The following SPATA31D1 variants were observed in gnomAD, a reference collection of about 807,000 sequenced individuals.
SPATA31D1 encodes SPATA31 subfamily D member 1.
Under a neutral mutation model 13.2 loss-of-function variants are expected in SPATA31D1, and 6 were observed. The ratio of observed to expected loss-of-function variants is 0.46; its 90% confidence interval spans 0.25 to 0.90. The LOEUF (loss-of-function observed/expected upper bound fraction) is 0.90, where lower values mean the gene tolerates loss of function less well. Among genes scored for constraint, SPATA31D1 ranks in the 40% least tolerant of loss-of-function variants. SPATA31D1 has a pLI of 0.18. For synonymous variants in SPATA31D1, 903 were observed against 718.8 expected (o/e 1.26, Z -4.10); for missense variants, 2,445 against 1,884.7 (o/e 1.30, Z -5.50).
At position 81,993,360 on chromosome 9, in the gene SPATA31D1, C is replaced by T. The variant is rs781739160; in HGVS notation, c.2890C>T (p.Arg964Cys). 42 of 1,613,820 alleles carry T rather than the reference C, an allele frequency of 2.6e-5. No individual in the cohort carries two copies. The highest frequency in any genetic ancestry group is 3.2e-5 in the Non-Finnish European group (38 of 1,179,900). ...TTCCAAAGATGGGGTCTCTAAGTCCCGTAGTCGAAGCACTTTTCAAGGAGA... is the reference window on the plus strand; with the variant it reads ...TTCCAAAGATGGGGTCTCTAAGTCCTGTAGTCGAAGCACTTTTCAAGGAGA... Reference protein sequence around the residue: ...GDSKDGVSKSRSRSTFQGEKL... With the variant: ...GDSKDGVSKSCSRSTFQGEKL... The change falls in exon 4 of 4, where the codon CGT becomes TGT. Residue 964 changes from arginine (R) to cysteine (C), a missense_variant. Physicochemically the swap from Arg to Cys is radical, Grantham distance 180 (BLOSUM62 -3). Coordinates refer to ENST00000344803, the MANE Select transcript of SPATA31D1 (RefSeq NM_001001670.3).
upstream of SPATA31D1, among the ~76,000 whole-genome samples, chr9:81,987,595 A>T (rs1358199522): frequency 2.0e-5 from 3 of 152,128 alleles, no homozygotes; most frequent in East Asian, 5.8e-4. Flanking sequence ...AACAGTTTAA[A>T]CCTCACTAAC....
In SPATA31D1 at chr9:81,994,621, G is replaced by A; in HGVS notation, c.4151G>A (p.Cys1384Tyr). 1 of 1,613,274 alleles carries A rather than the reference G, an allele frequency of 6.2e-7. No homozygotes were observed. The highest frequency in any genetic ancestry group is 8.5e-7 in the Non-Finnish European group (1 of 1,179,568). The change falls in exon 4 of 4, where the codon TGT (cysteine) becomes TAT (tyrosine). Residue 1384 changes from cysteine (C) to tyrosine (Y), a missense_variant. Coordinates refer to ENST00000344803, the MANE Select transcript of SPATA31D1 (RefSeq NM_001001670.3). ...SWEKGSSLSS[C>Y]VQNIGRVIRA... ...GAAAAGGGTAGCTCCCTGTCATCAT[G>A]TGTGCAGAATATTGGTCGAGTTATA... is the stretch of plus-strand genomic sequence containing the variant.
chr9:81,992,229 C>A lies in SPATA31D1; in HGVS notation c.1759C>A (p.Pro587Thr). Residue 587 changes from proline to threonine, a missense_variant, in exon 4 of 4, where the codon CCA (proline) becomes ACA (threonine). Physicochemically the swap from Pro to Thr is conservative, Grantham distance 38. Coordinates refer to ENST00000344803, the MANE Select transcript of SPATA31D1 (RefSeq NM_001001670.3). ...QVKSLAQPQS[P>T]FRALLPSPLF... The stretch of plus-strand genomic sequence containing the variant: ...GAAGTCCCTGGCTCAACCTCAATCT[C>A]CATTCCGAGCCCTACTACCTAGTCC... 6.2e-7 allele frequency: 1 copy of A among 1,613,784 alleles called. No homozygotes were observed.
Position 81,993,662 on chromosome 9 carries a change from G to C in SPATA31D1, c.3192G>C (p.Leu1064=). 5.0e-6 allele frequency: 8 copies of C among 1,614,028 alleles called. No individual in the cohort carries two copies. The highest frequency in any genetic ancestry group is 6.8e-6 in the Non-Finnish European group (8 of 1,179,892). The part of the protein sequence containing the change: ...SPVNQEKQGT[L]RREFSDTDND... ...TCAACCAAGAAAAGCAGGGGACCCTGAGAAGAGAATTCTCTGATACTGACA... is the reference window on the plus strand; with the variant it reads ...TCAACCAAGAAAAGCAGGGGACCCTCAGAAGAGAATTCTCTGATACTGACA... Residue 1064 remains leucine (L), a synonymous_variant, in exon 4 of 4, where the codon CTG becomes CTC. Coordinates refer to ENST00000344803, the MANE Select transcript of SPATA31D1 (RefSeq NM_001001670.3).
chr9:81,993,625 T>C lies in SPATA31D1; in HGVS notation c.3155T>C (p.Val1052Ala), dbSNP rs1825028765. The part of the protein sequence containing the change: ...SFPILGHSYL[V>A]TSPVNQEKQG... ...CCCATCCTCGGTCATTCTTACCTTG[T>C]CACTTCACCTGTCAACCAAGAAAAG... The change falls in exon 4 of 4, where the codon GTC (valine) becomes GCC (alanine). Residue 1052 changes from valine (V) to alanine (A), a missense_variant. Transcript: ENST00000344803. The C allele has an allele frequency of 1.9e-6, 3 of 1,613,890 alleles. No homozygotes were observed. Among genetic ancestry groups the C allele is most frequent in the Non-Finnish European group, 2.5e-6 (3 of 1,179,890 alleles).
intron 3 of SPATA31D1, 37 bp downstream of exon 3, chr9:81,990,523 CA>C: frequency 1.3e-6 from 2 of 1,552,082 alleles, no homozygotes; most frequent in Non-Finnish European, 1.8e-6. Flanking sequence ...GTTCCCACCC[CA>C]CTCCTTCTTC....
At position 81,992,609 on chromosome 9, in the gene SPATA31D1, A is replaced by C. The variant is rs367867592; in HGVS notation, c.2139A>C (p.Leu713=). 6.2e-7 allele frequency: 1 copy of C among 1,613,038 alleles called. No homozygotes were observed. The highest frequency in any genetic ancestry group is 8.5e-7 in the Non-Finnish European group (1 of 1,179,732). The stretch of plus-strand genomic sequence containing the variant: ...GAATCCATGAGTCTCTGTCATTGCT[A>C]CGTCCTCAGAGCAAAATTTCAGAGC... The part of the protein sequence containing the change: ...PRRIHESLSL[L]RPQSKISELS... The change falls in exon 4 of 4, where the codon CTA becomes CTC. Residue 713 remains leucine (L), a synonymous_variant. Coordinates refer to ENST00000344803, the MANE Select transcript of SPATA31D1 (RefSeq NM_001001670.3).
Position 81,992,467 on chromosome 9 carries a change from T to C in SPATA31D1, c.1997T>C (p.Val666Ala), listed in dbSNP as rs1824993758. 6.2e-7 allele frequency: 1 copy of C among 1,612,192 alleles called. No individual in the cohort carries two copies. The highest frequency in any genetic ancestry group is 1.3e-5 in the African/African-American group (1 of 74,992). ...NPELVRKSFK[V>A]HVPISIIPGD... ...GAATTGGTCAGAAAGTCCTTCAAGGTCCATGTTCCGATCTCCATCATTCCT... is the reference window on the plus strand; with the variant it reads ...GAATTGGTCAGAAAGTCCTTCAAGGCCCATGTTCCGATCTCCATCATTCCT... The change falls in exon 4 of 4, where the codon GTC (valine) becomes GCC (alanine). Residue 666 changes from valine (V) to alanine (A), a missense_variant. Val to Ala is a moderately conservative substitution (Grantham distance 64). Transcript: ENST00000344803.
Position 81,991,318 on chromosome 9 carries a change from C to T in SPATA31D1, c.848C>T (p.Ser283Leu), listed in dbSNP as rs377471076. Reference sequence around the variant, plus strand: ...GGCTCCACCCTATGCCAAGATATTTCGCAGGCCATGAATCCCATTGATTCT... The same window carrying T: ...GGCTCCACCCTATGCCAAGATATTTTGCAGGCCATGAATCCCATTGATTCT... ...SFGSTLCQDI[S>L]QAMNPIDSCA... Residue 283 changes from serine to leucine, a missense_variant, in exon 4 of 4, where the codon TCG (serine) becomes TTG (leucine). Physicochemically the swap from Ser to Leu is moderately radical, Grantham distance 145. Transcript: ENST00000344803. 2.0e-5 allele frequency: 32 copies of T among 1,614,028 alleles called. No homozygotes were observed. In the African/African-American group the frequency reaches 2.5e-4, roughly 13 times the overall value.
At position 81,993,589 on chromosome 9, in the gene SPATA31D1, C is replaced by G; in HGVS notation, c.3119C>G (p.Thr1040Arg). ...TDFQSEKLDSTSSFPILGHSY... is the reference protein window; with the variant it reads ...TDFQSEKLDSRSSFPILGHSY... ...TTTCAAAGCGAAAAATTAGATTCAA[C>G]AAGCTCATTCCCCATCCTCGGTCAT... is the stretch of plus-strand genomic sequence containing the variant. The change falls in exon 4 of 4, where the codon ACA (threonine) becomes AGA (arginine). Residue 1040 changes from threonine (T) to arginine (R), a missense_variant. Thr to Arg is a moderately conservative substitution (Grantham distance 71). Transcript: ENST00000344803. The G allele has an allele frequency of 1.9e-6, 3 of 1,613,916 alleles. No individual in the cohort carries two copies. Among genetic ancestry groups the G allele is most frequent in the Non-Finnish European group, 2.5e-6 (3 of 1,179,872 alleles).
chr9:81,990,888 A>G lies in SPATA31D1; in HGVS notation c.418A>G (p.Ile140Val), dbSNP rs370453479. The change falls in exon 4 of 4, where the codon ATC becomes GTC. Residue 140 changes from isoleucine (I) to valine (V), a missense_variant. Transcript: ENST00000344803. ...GGTGTGTAAGAGAGCAACTGCTGAT[A>G]TCCAGCAACTGCTGTCTTGGGAGTC... is the stretch of plus-strand genomic sequence containing the variant. ...CRVCKRATAD[I>V]QQLLSWESLK... 4 of 1,613,788 alleles carry G rather than the reference A, an allele frequency of 2.5e-6. No homozygotes were observed. The African/African-American group carries it at 5.3e-5, about 22-fold the overall frequency.
At position 81,994,562 on chromosome 9, in the gene SPATA31D1, C is replaced by T. The variant is rs1475159117; in HGVS notation, c.4092C>T (p.Pro1364=). ...MKTSLQWFNK[P]SISYEEQESS... is the part of the protein sequence containing the mutation. ...CCTCTTTGCAGTGGTTTAATAAACC[C>T]AGCATATCATATGAAGAACAAGAAA... is the stretch of plus-strand genomic sequence containing the variant. Residue 1364 remains proline, a synonymous_variant, in exon 4 of 4, where the codon CCC becomes CCT. Coordinates refer to ENST00000344803, the MANE Select transcript of SPATA31D1 (RefSeq NM_001001670.3). 1 of 1,613,098 alleles carries T rather than the reference C, an allele frequency of 6.2e-7. No individual in the cohort carries two copies. The highest frequency in any genetic ancestry group is 8.5e-7 in the Non-Finnish European group (1 of 1,179,458).
chr9:81,994,696 C>A lies in SPATA31D1; in HGVS notation c.4226C>A (p.Thr1409Asn), dbSNP rs754211940. 2 of 1,613,624 alleles carry A rather than the reference C, an allele frequency of 1.2e-6. No individual in the cohort carries two copies. Among genetic ancestry groups the A allele is most frequent in the Non-Finnish European group, 1.7e-6 (2 of 1,179,706 alleles). The stretch of plus-strand genomic sequence containing the variant: ...GAAGCTCAGAAAATTAGGAAAGACA[C>A]TAGGGAGTTCCTAGAAGAGAAGCTG... The part of the protein sequence containing the change: ...TTEAQKIRKD[T>N]REFLEEKLGH... The change falls in exon 4 of 4, where the codon ACT becomes AAT. Residue 1409 changes from threonine to asparagine, a missense_variant. By Grantham distance (65) the Thr-to-Asn change is moderately conservative (BLOSUM62 0). Coordinates refer to ENST00000344803, the MANE Select transcript of SPATA31D1 (RefSeq NM_001001670.3).
intron 1 of SPATA31D1, among the ~76,000 whole-genome samples, chr9:81,989,262 A>G (rs1463684177): frequency 6.6e-6 from 1 of 152,182 alleles, no homozygotes; most frequent in Non-Finnish European, 1.5e-5. Context: ...CCAGGATAAA[A>G]TCCCAAACAC....
chr9:81,991,843 T>C lies in SPATA31D1; in HGVS notation c.1373T>C (p.Ile458Thr), dbSNP rs201640408. The C allele has an allele frequency of 6.7e-5, 108 of 1,613,814 alleles. No homozygotes were observed. The African/African-American group carries it at 8.4e-4, about 13-fold the overall frequency. Reference sequence around the variant, plus strand: ...TCCTCACGGAATATGTTAACCTCAATTGCTGTTAAGCATGACTTGGCAGAA... The same window carrying C: ...TCCTCACGGAATATGTTAACCTCAACTGCTGTTAAGCATGACTTGGCAGAA... ...LNSSRNMLTS[I>T]AVKHDLAESF... The change falls in exon 4 of 4, where the codon ATT (isoleucine) becomes ACT (threonine). Residue 458 changes from isoleucine (I) to threonine (T), a missense_variant. Physicochemically the swap from Ile to Thr is moderately conservative, Grantham distance 89. Transcript: ENST00000344803.
Position 81,995,055 on chromosome 9 carries a change from C to T in SPATA31D1, c.4585C>T (p.Pro1529Ser). ...CAGGAAGCCTGTGCCACATCCAAACCCCACTTGCCGGCGTCAGGTCAGCCT... is the reference window on the plus strand; with the variant it reads ...CAGGAAGCCTGTGCCACATCCAAACTCCACTTGCCGGCGTCAGGTCAGCCT... ...PHRKPVPHPN[P>S]TCRRQVSLVC... Residue 1529 changes from proline to serine, a missense_variant, in exon 4 of 4, where the codon CCC becomes TCC. Pro to Ser is a moderately conservative substitution (Grantham distance 74). Coordinates refer to ENST00000344803, the MANE Select transcript of SPATA31D1 (RefSeq NM_001001670.3). 6.2e-7 allele frequency: 1 copy of T among 1,613,724 alleles called. No homozygotes were observed.
rs1251235999 is a variant in SPATA31D1 at position 81,993,108 on chromosome 9, G to T, written c.2638G>T (p.Val880Leu). The T allele has an allele frequency of 2.5e-6, 4 of 1,613,858 alleles. No individual in the cohort carries two copies. The highest frequency in any genetic ancestry group is 2.2e-5 in the East Asian group (1 of 44,860). The change falls in exon 4 of 4, where the codon GTG becomes TTG. Residue 880 changes from valine to leucine, a missense_variant. By Grantham distance (32) the Val-to-Leu change is conservative (BLOSUM62 1). Transcript: ENST00000344803. ...TAAACATCGAAATCTGGTAACATTG[G>T]TGAGTGAGGACCACTGCGTTGATAC... is the stretch of plus-strand genomic sequence containing the variant. The part of the protein sequence containing the change: ...QIKHRNLVTL[V>L]SEDHCVDTSQ...
chr9:81,989,881 A>T, intron 2 of SPATA31D1, 58 bp downstream of exon 2: 1 of 1,570,614 alleles, frequency 6.4e-7, no homozygotes, highest in Non-Finnish European at 8.7e-7. Flanking sequence ...CTCTTTCATG[A>T]TGACTCAGTC....
rs72735482 is a variant in SPATA31D1, at chr9:81,994,247, G to C, written c.3777G>C (p.Leu1259Phe). The C allele has an allele frequency of 4.4e-3, 7,155 of 1,614,012 alleles. 22 individuals are homozygous for C. Among genetic ancestry groups the C allele is most frequent in the Non-Finnish European group, 5.5e-3 (6,511 of 1,179,896 alleles). ...MGTSQVVHVH[L>F]EDSGIRVAQK... ...CTTCCCAGGTGGTGCATGTCCACTT[G>C]GAGGACAGCGGAATCCGTGTGGCAC... Residue 1259 changes from leucine (L) to phenylalanine (F), a missense_variant, in exon 4 of 4, where the codon TTG becomes TTC. Physicochemically the swap from Leu to Phe is conservative, Grantham distance 22. Transcript: ENST00000344803.
Sources: gnomAD v4.1 joint callset for allele counts (sites outside exome capture counted in the v4.1 genomes callset) on GRCh38, gnomAD v4.1.1 for gene constraint, MANE v1.5 for transcripts, NCBI Gene and HGNC (gene_info 2026-07-23, HGNC 2026-07-21) for gene names.